CLIP1: variants seen among roughly 807,000 people sequenced by gnomAD.
CLIP1 encodes CAP-Gly domain-containing linker protein 1.
CLIP1 carries 66 observed loss-of-function variants against 161.6 expected under a neutral mutation model. That is an observed-to-expected ratio of 0.41 (90% CI 0.33 to 0.50). The LOEUF is 0.50. Ranked by LOEUF, CLIP1 falls within the 20% of genes least tolerant of loss-of-function variation. The pLI is 0.27. For synonymous variants in CLIP1, 598 were observed against 626.2 expected (o/e 0.96, Z 0.67); for missense variants, 1,376 against 1,702.0 (o/e 0.81, Z 3.37).
chr12:122,404,313 T>A (rs1360554236), intron 1 of CLIP1, among the ~76,000 whole-genome samples: 2 of 152,102 alleles, frequency 1.3e-5, no homozygotes, highest in Non-Finnish European at 1.5e-5. Context: ...GGTAACAGAA[T>A]AGGCCGGGTG....
chr12:122,391,933 ACTT>A (rs1955678883), intron 1 of CLIP1, among the ~76,000 whole-genome samples: 1 of 152,158 alleles, frequency 6.6e-6, no homozygotes, highest in African/African-American at 2.4e-5. Context: ...CTCAGATATC[ACTT>A]CTTATCACTA....
intron 20 of CLIP1, among the ~76,000 whole-genome samples, chr12:122,294,338 A>AC (rs995646798): frequency 2.1e-5 from 3 of 142,758 alleles, no homozygotes; most frequent in South Asian, 2.2e-4. Flanking sequence ...CAAAAAAAAA[A>AC]AAAAACAAAA....
intron 3 of CLIP1, 141 bp from the exon 4 acceptor site, chr12:122,364,248 A>G (rs1954016122): frequency 9.9e-7 from 1 of 1,009,778 alleles, no homozygotes. Flanking sequence ...TGACTCTAAG[A>G]GTTCTCTTGA....
At chr12:122,420,503 C>G (rs1956904344) in intron 1 of CLIP1, among the ~76,000 whole-genome samples, 1 of 152,182 alleles carries the variant, frequency 6.6e-6, no homozygotes, top group Non-Finnish European at 1.5e-5. Context: ...AATACCTACC[C>G]AGGGTCCCAC....
intron 20 of CLIP1, among the ~76,000 whole-genome samples, chr12:122,289,521 A>C (rs984144736): frequency 6.6e-5 from 10 of 152,192 alleles, no homozygotes; most frequent in African/African-American, 2.4e-4. Flanking sequence ...GCAGAGGACT[A>C]GGTACAGGCT....
chr12:122,280,464 C>T (rs1425907107), intron 21 of CLIP1: 2 of 152,158 alleles, frequency 1.3e-5, no homozygotes, highest in African/African-American at 2.4e-5. Context: ...ATAGAGAAGA[C>T]GAAGGAGATA....
At chr12:122,422,806 T>C (rs1957006511), upstream of CLIP1, among the ~76,000 whole-genome samples, 1 of 145,094 alleles carries the variant, frequency 6.9e-6, no homozygotes, top group Admixed American at 6.8e-5. Flanking sequence ...GCCGCCTCTT[T>C]GTCTGCGCCC....
intron 21 of CLIP1, among the ~76,000 whole-genome samples, chr12:122,287,839 T>C (rs922047415): frequency 6.6e-6 from 1 of 152,210 alleles, no homozygotes; most frequent in Non-Finnish European, 1.5e-5. Context: ...TTTCATATAA[T>C]TGAAATCAGT....
chr12:122,318,346 A>G (rs556211899), intron 18 of CLIP1, among the ~76,000 whole-genome samples: 93 of 152,370 alleles, frequency 6.1e-4, no homozygotes, highest in Admixed American at 1.8e-3. Context: ...CAGCCTGGCC[A>G]ACATGGCAAA....
chr12:122,328,404 T>C lies in CLIP1; in HGVS notation c.2890A>G (p.Lys964Glu), dbSNP rs958357696. The C allele has an allele frequency of 2.2e-5, 35 of 1,603,298 alleles. No individual in the cohort carries two copies. Among genetic ancestry groups the C allele is most frequent in the Non-Finnish European group, 2.6e-5 (30 of 1,176,424 alleles). ...GCATTTTCATTAGCCTTTGTAAGTTTTAGCTGTAATTCTTCTACATCTCTA... is the reference window on the plus strand; with the variant it reads ...GCATTTTCATTAGCCTTTGTAAGTTCTAGCTGTAATTCTTCTACATCTCTA... ...KERDVEELQLKLTKANENASF... is the reference protein window; with the variant it reads ...KERDVEELQLELTKANENASF... The change falls in exon 16 of 26, where the codon AAA (lysine) becomes GAA (glutamate). Residue 964 changes from lysine (K) to glutamate (E), a missense_variant. Lys to Glu is a moderately conservative substitution (Grantham distance 56). This residue lies in a region of CLIP1 where 948 missense variants were observed against 1,134.8 expected (regional missense o/e 0.84). Coordinates refer to ENST00000620786, the MANE Select transcript of CLIP1 (RefSeq NM_001247997.2).
At position 122,281,534 on chromosome 12, in the gene CLIP1, CA is replaced by C. The variant is rs962724730; in HGVS notation, c.3648-2390del. Among the ~76,000 whole-genome samples the C allele has an allele frequency of 9.4e-4, 133 of 141,772 alleles. No individual in the cohort carries two copies. In the East Asian group the frequency reaches 9.8e-3, roughly 10 times the overall value. The allele number at this position is 141,772 out of a possible 152,430, so 93.0% of individuals were successfully genotyped here. ...AGACCCCCGTCTCTACAGAAACTTA[CA>C]AAAAAAAAAAATTAGCTAGGCATGG... On this transcript the variant is annotated intron_variant, in intron 21 of 25. Transcript: ENST00000620786.
intron 11 of CLIP1, among the ~76,000 whole-genome samples, chr12:122,340,456 A>G (rs949779648): frequency 1.3e-5 from 2 of 152,174 alleles, no homozygotes; most frequent in Non-Finnish European, 2.9e-5. Context: ...CAGATTATAG[A>G]CTGGAGCTAA....
chr12:122,319,522 G>A (rs148978515), intron 17 of CLIP1, among the ~76,000 whole-genome samples, 174 bp from the exon 18 acceptor site: 1 of 152,354 alleles, frequency 6.6e-6, no homozygotes, highest in African/African-American at 2.4e-5. Flanking sequence ...GGACAGGAAA[G>A]GTCTTTACTC....
intron 5 of CLIP1, chr12:122,356,174 T>G (rs1288194622): frequency 1.3e-5 from 2 of 152,234 alleles, no homozygotes; most frequent in Non-Finnish European, 2.9e-5. Context: ...CCAATTTCAT[T>G]ATATAGCTAA....
At chr12:122,337,008 A>C (rs1341680505) in intron 11 of CLIP1, among the ~76,000 whole-genome samples, 1 of 148,406 alleles carries the variant, frequency 6.7e-6, no homozygotes, top group Non-Finnish European at 1.5e-5. Context: ...CTCCCCTGTC[A>C]CCCAGGCTAG....
chr12:122,373,651 A>G (rs1395022430), intron 3 of CLIP1, among the ~76,000 whole-genome samples: 1 of 152,134 alleles, frequency 6.6e-6, no homozygotes, highest in Non-Finnish European at 1.5e-5. Context: ...CCTTGACTCA[A>G]ATTTCATTTC....
At chr12:122,326,291 C>T (rs965899785) in intron 17 of CLIP1, among the ~76,000 whole-genome samples, 3 of 152,018 alleles carry the variant, frequency 2.0e-5, no homozygotes, top group Admixed American at 2.0e-4. Context: ...ATCCCAGCAC[C>T]TTGTGAGACT....
At chr12:122,325,630 C>T (rs532235987) in intron 17 of CLIP1, among the ~76,000 whole-genome samples, 2 of 150,556 alleles carry the variant, frequency 1.3e-5, no homozygotes, top group East Asian at 2.0e-4. Flanking sequence ...TAATGTAGAC[C>T]GCATATATTC....
Position 122,355,152 on chromosome 12 carries a change from T to G in CLIP1, c.1166A>C (p.Glu389Ala). The change falls in exon 6 of 26, where the codon GAG becomes GCG. Residue 389 changes from glutamate (E) to alanine (A), a missense_variant. Around this residue, in one of 6 missense-constraint regions of CLIP1, gnomAD observed 211 missense variants for 295.1 expected, o/e 0.72. Transcript: ENST00000620786. This position sits in a 1 kb window ranked among gnomAD's most constrained non-coding sequence, Gnocchi z 4.1. The stretch of plus-strand genomic sequence containing the variant: ...GTCCCGGGCCAGAGCTAGCTCCTGC[T>G]CTATCTCCCCCACGTGGCTCGTGGC... ...AKATSHVGEIEQELALARDGH... is the reference protein window; with the variant it reads ...AKATSHVGEIAQELALARDGH... 1 of 1,614,200 alleles carries G rather than the reference T, an allele frequency of 6.2e-7. No homozygotes were observed. Among genetic ancestry groups the G allele is most frequent in the Non-Finnish European group, 8.5e-7 (1 of 1,180,016 alleles).
Sources: gnomAD v4.1 joint callset for allele counts (sites outside exome capture counted in the v4.1 genomes callset) on GRCh38, gnomAD v4.1.1 for gene constraint, gnomAD v4.1.1 regional missense constraint, Gnocchi (gnomAD v3.1) non-coding constraint, MANE v1.5 for transcripts, NCBI Gene and HGNC (gene_info 2026-07-23, HGNC 2026-07-21) for gene names.